The following SHISAL2A variants were observed in gnomAD, a reference collection of about 807,000 sequenced individuals.
SHISAL2A encodes the protein protein shisa-like-2A.
SHISAL2A carries 18 observed loss-of-function variants against 11.5 expected under a neutral mutation model. That is an observed-to-expected ratio of 1.57 (90% confidence interval 1.08 to 2.33). The LOEUF is 2.33. Among genes scored for constraint, SHISAL2A ranks in the 30% most tolerant of loss-of-function variants. The pLI is 0.00. For synonymous variants in SHISAL2A, 94 were observed against 99.6 expected (o/e 0.94, Z 0.34); for missense variants, 261 against 250.9 (o/e 1.04, Z -0.27).
chr1:52,635,369 A>C (rs1028153713), intron 1 of SHISAL2A, among the ~76,000 whole-genome samples: 1 of 146,258 alleles, frequency 6.8e-6, no homozygotes, highest in Non-Finnish European at 1.5e-5. Flanking sequence ...CCCCCACCCC[A>C]CCAGAGAATT....
At chr1:52,636,845 C>T (rs1691246459) in intron 1 of SHISAL2A, among the ~76,000 whole-genome samples, 1 of 152,166 alleles carries the variant, frequency 6.6e-6, no homozygotes, top group Non-Finnish European at 1.5e-5. Flanking sequence ...GTCCTGTCTA[C>T]TACTGTCTGG....
intron 2 of SHISAL2A, among the ~76,000 whole-genome samples, chr1:52,650,213 A>C (rs1558090411): frequency 6.6e-6 from 1 of 152,050 alleles, no homozygotes; most frequent in Non-Finnish European, 1.5e-5. Flanking sequence ...GTTTGTTTTG[A>C]CTCCTCCAAG....
chr1:52,635,005 G>A (rs1691208935), intron 1 of SHISAL2A, among the ~76,000 whole-genome samples: 1 of 152,120 alleles, frequency 6.6e-6, no homozygotes, highest in South Asian at 2.1e-4. Flanking sequence ...CAGATGGCCA[G>A]GTTATCAGAT....
At chr1:52,663,295 A>C (rs1016851067) in intron 4 of SHISAL2A, among the ~76,000 whole-genome samples, 1 of 152,162 alleles carries the variant, frequency 6.6e-6, no homozygotes, top group African/African-American at 2.4e-5. Context: ...GACCCCTCGC[A>C]GCCCGTTACT....
intron 4 of SHISAL2A, among the ~76,000 whole-genome samples, chr1:52,664,825 T>G (rs982297408): frequency 6.6e-6 from 1 of 151,060 alleles, no homozygotes. Flanking sequence ...GATCTTGCTC[T>G]GTGCCCAGTC....
At chr1:52,644,497 G>A (rs1691448626) in intron 2 of SHISAL2A, among the ~76,000 whole-genome samples, 1 of 152,152 alleles carries the variant, frequency 6.6e-6, no homozygotes, top group African/African-American at 2.4e-5. Context: ...GGCCAAGGGA[G>A]GTGGATCACC....
chr1:52,650,754 C>T (rs1558090803), intron 2 of SHISAL2A, among the ~76,000 whole-genome samples: 1 of 146,388 alleles, frequency 6.8e-6, no homozygotes, highest in African/African-American at 2.5e-5. Flanking sequence ...AAGCAATTCT[C>T]CTGCCTCAGC....
chr1:52,639,508 C>T (rs1691311159), intron 1 of SHISAL2A, among the ~76,000 whole-genome samples: 1 of 152,102 alleles, frequency 6.6e-6, no homozygotes, highest in Non-Finnish European at 1.5e-5. Flanking sequence ...AATCCCAGCA[C>T]TTTAGGAGGC....
At chr1:52,654,299 T>G (rs1473816116) in intron 2 of SHISAL2A, among the ~76,000 whole-genome samples, 1 of 149,988 alleles carries the variant, frequency 6.7e-6, no homozygotes, top group Non-Finnish European at 1.5e-5. Flanking sequence ...ATTCTCAAAT[T>G]TATATATAGA....
chr1:52,643,049 C>G, intron 2 of SHISAL2A, 47 bp downstream of exon 2: 2 of 1,581,638 alleles, frequency 1.3e-6, no homozygotes, highest in Non-Finnish European at 1.7e-6. Context: ...AGACTAGCAC[C>G]TTTTCAAGGG....
At chr1:52,651,995 A>G (rs1169338529) in intron 2 of SHISAL2A, among the ~76,000 whole-genome samples, 1 of 152,210 alleles carries the variant, frequency 6.6e-6, no homozygotes, top group Non-Finnish European at 1.5e-5. Context: ...ACTTGAGCCA[A>G]GGTCTTGTAA....
intron 2 of SHISAL2A, among the ~76,000 whole-genome samples, chr1:52,645,500 C>T (rs901523868): frequency 8.6e-5 from 13 of 151,938 alleles, no homozygotes; most frequent in Admixed American, 1.3e-4. Context: ...CCTTGCACTC[C>T]GGGGCTCAGG....
intron 2 of SHISAL2A, among the ~76,000 whole-genome samples, chr1:52,655,342 C>G (rs1691766498): frequency 1.3e-5 from 2 of 148,854 alleles, no homozygotes; most frequent in Non-Finnish European, 3.0e-5. Context: ...AATGTCCAGG[C>G]ATGGTGGCTC....
At chr1:52,654,904 C>T (rs563258592) in intron 2 of SHISAL2A, among the ~76,000 whole-genome samples, 16 of 152,276 alleles carry the variant, frequency 1.1e-4, no homozygotes, top group East Asian at 3.9e-4. Flanking sequence ...AAGGATTGGT[C>T]GGGTGTGGTG....
At chr1:52,657,583 G>A (rs925863433), downstream of SHISAL2A, among the ~76,000 whole-genome samples, 10 of 152,116 alleles carry the variant, frequency 6.6e-5, no homozygotes, top group Non-Finnish European at 1.0e-4. Flanking sequence ...GGCAGGGCGC[G>A]GCAGTTCACG....
At chr1:52,646,107 T>C (rs1691495146) in intron 2 of SHISAL2A, among the ~76,000 whole-genome samples, 1 of 152,216 alleles carries the variant, frequency 6.6e-6, no homozygotes, top group African/African-American at 2.4e-5. Flanking sequence ...CAATTGGCAA[T>C]GTATGTAAAC....
At chr1:52,636,954 G>A (rs1273782599) in intron 1 of SHISAL2A, among the ~76,000 whole-genome samples, 1 of 152,166 alleles carries the variant, frequency 6.6e-6, no homozygotes, top group Non-Finnish European at 1.5e-5. Context: ...GGACACAGAG[G>A]TGAGTAATTC....
rs576461479 is a variant in SHISAL2A at position 52,654,279 on chromosome 1, A to G, written c.323-2511A>G. ...TAGATAGACAGATAGATAGATAGATAGATAAGCTAATTCTCAAATTTATAT... is the reference window on the plus strand; with the variant it reads ...TAGATAGACAGATAGATAGATAGATGGATAAGCTAATTCTCAAATTTATAT... On this transcript the variant is annotated intron_variant, in intron 2 of 2. Transcript: ENST00000517870. 2.6e-5 allele frequency among the ~76,000 whole-genome samples: 4 copies of G among 152,340 alleles called. No homozygotes were observed. The East Asian group carries it at 5.8e-4, about 22-fold the overall frequency.
intron 4 of SHISAL2A, among the ~76,000 whole-genome samples, chr1:52,665,821 C>T (rs1054320769): frequency 6.6e-6 from 1 of 152,142 alleles, no homozygotes; most frequent in Non-Finnish European, 1.5e-5. Flanking sequence ...GTGTTCCCTC[C>T]CTGATGGCCT....
Sources: gnomAD v4.1 joint callset for allele counts (sites outside exome capture counted in the v4.1 genomes callset) on GRCh38, gnomAD v4.1.1 for gene constraint, MANE v1.5 for transcripts, NCBI Gene and HGNC (gene_info 2026-07-23, HGNC 2026-07-21) for gene names.